APBB1IP: variants seen among roughly 807,000 people sequenced by gnomAD.
The protein encoded by APBB1IP is amyloid beta precursor protein binding family B member 1 interacting protein, also known as amyloid beta A4 precursor protein-binding family B member 1-interacting protein.
APBB1IP carries 27 observed loss-of-function variants against 64.9 expected under a neutral mutation model. That is an observed-to-expected ratio of 0.42 (90% confidence interval 0.31 to 0.57). The LOEUF (loss-of-function observed/expected upper bound fraction) is 0.57, where lower values mean the gene tolerates loss of function less well. Ranked by LOEUF, APBB1IP falls within the 20% of genes least tolerant of loss-of-function variation. APBB1IP has a pLI of 0.20. For synonymous variants in APBB1IP, 392 were observed against 331.0 expected, an observed-to-expected ratio of 1.18 and a Z score of -2.00; for missense variants, 812 against 845.5, an observed-to-expected ratio of 0.96 and a Z score of 0.49.
intron 2 of APBB1IP, among the ~76,000 whole-genome samples, chr10:26,474,251 G>A (rs898118827): frequency 6.6e-6 from 1 of 152,142 alleles, no homozygotes; most frequent in African/African-American, 2.4e-5. Context: ...GCAAAGCCTG[G>A]AATTTGTGCT....
At chr10:26,509,688 G>C (rs1303133905) in intron 6 of APBB1IP, 1 of 152,222 alleles carries the variant, frequency 6.6e-6, no homozygotes, top group Admixed American at 6.5e-5. Flanking sequence ...GTAGGAATAG[G>C]ACAGAACCTG....
intron 2 of APBB1IP, among the ~76,000 whole-genome samples, chr10:26,443,222 G>A (rs547583241): frequency 1.3e-5 from 2 of 152,172 alleles, no homozygotes; most frequent in East Asian, 3.9e-4. Flanking sequence ...AGGAGTTCAA[G>A]ACCAGCCTGA....
chr10:26,472,295 G>A (rs926392247), intron 2 of APBB1IP, among the ~76,000 whole-genome samples: 3 of 152,200 alleles, frequency 2.0e-5, no homozygotes, highest in African/African-American at 4.8e-5. Context: ...ATAGTGCAGT[G>A]CATCCACAGG....
chr10:26,490,412 G>A (rs1327288983), intron 2 of APBB1IP, among the ~76,000 whole-genome samples: 1 of 152,100 alleles, frequency 6.6e-6, no homozygotes, highest in Non-Finnish European at 1.5e-5. Flanking sequence ...ATCACCTGAG[G>A]TCAGGAGTTT....
At chr10:26,534,294 CAAAAAA>C (rs71403804) in intron 9 of APBB1IP, among the ~76,000 whole-genome samples, 2 of 58,690 alleles carry the variant, frequency 3.4e-5, no homozygotes, top group African/African-American at 1.4e-4. Flanking sequence ...GATCCAGTCT[CAAAAAA>C]AAAAAAAAAA....
chr10:26,471,418 C>T (rs1462682735), intron 2 of APBB1IP, among the ~76,000 whole-genome samples: 2 of 152,140 alleles, frequency 1.3e-5, no homozygotes, highest in East Asian at 3.9e-4. Context: ...TCCTTTCTTG[C>T]TTCCAAATAA....
At chr10:26,504,027 CTT>C (rs1234313772) in intron 6 of APBB1IP, among the ~76,000 whole-genome samples, 1 of 152,194 alleles carries the variant, frequency 6.6e-6, no homozygotes, top group Non-Finnish European at 1.5e-5. Context: ...CTCTCCAGGA[CTT>C]TGCAAAATTC....
At position 26,495,992 on chromosome 10, in the gene APBB1IP, T is replaced by TAA. The variant is rs1491145686; in HGVS notation, c.73-311_73-310insAA. Among the ~76,000 whole-genome samples, 9 of 141,974 alleles carry TAA rather than the reference T, an allele frequency of 6.3e-5. No homozygotes were observed. The East Asian group carries it at 1.8e-3, about 28-fold the overall frequency. 93.1% of individuals were successfully genotyped at this position (141,974 alleles called of 152,430 possible). A position where few individuals can be genotyped will look rare whatever the true frequency, so the allele number is the denominator to read the frequency against. The stretch of plus-strand genomic sequence containing the variant: ...ATATATATAAATATAATATATATAT[T>TAA]ATATATATATAGTGTGTGTGTTCAC... On this transcript the variant is annotated intron_variant, in intron 3 of 14. Transcript: ENST00000376236.
At chr10:26,441,939 C>A (rs1458266535) in intron 2 of APBB1IP, among the ~76,000 whole-genome samples, 3 of 152,146 alleles carry the variant, frequency 2.0e-5, no homozygotes, top group Admixed American at 2.0e-4. Context: ...TCTTGTTAAT[C>A]ATCACATCAA....
chr10:26,529,715 A>C (rs776534976), intron 8 of APBB1IP, among the ~76,000 whole-genome samples: 1 of 152,026 alleles, frequency 6.6e-6, no homozygotes, highest in Non-Finnish European at 1.5e-5. Context: ...ATCTCAGCTC[A>C]CTGTAACCTC....
At chr10:26,481,914 T>A (rs1588579494) in intron 2 of APBB1IP, among the ~76,000 whole-genome samples, 1 of 152,182 alleles carries the variant, frequency 6.6e-6, no homozygotes, top group East Asian at 1.9e-4. Flanking sequence ...CTCTTAGTAT[T>A]TTTTTAAATT....
At position 26,496,500 on chromosome 10, in the gene APBB1IP, T is replaced by C. The variant is rs1427691890; in HGVS notation, c.160+109T>C. The C allele has an allele frequency of 6.1e-6, 5 of 813,012 alleles. No individual in the cohort carries two copies. In the Admixed American group the frequency reaches 1.3e-4, roughly 21 times the overall value. 50.4% of individuals were successfully genotyped at this position (813,012 alleles called of 1,614,324 possible). Reference sequence around the variant, plus strand: ...AATTAAAGGAACCTAAACATCATGATAAATATTGTTAAAATCATGGATTTC... The same window carrying C: ...AATTAAAGGAACCTAAACATCATGACAAATATTGTTAAAATCATGGATTTC... On this transcript the variant is annotated intron_variant, in intron 4 of 14. Transcript: ENST00000376236.
chr10:26,532,608 A>C, intron 8 of APBB1IP, among the ~76,000 whole-genome samples: 1 of 151,934 alleles, frequency 6.6e-6, no homozygotes, highest in East Asian at 1.9e-4. Flanking sequence ...CAGCCTCTCA[A>C]GTAGATGAGA....
rs550343120 is a variant in APBB1IP, at chr10:26,566,865, C to T, written c.1474-96C>T. Reference sequence around the variant, plus strand: ...ATCGCGCCACTGCACTCAGCCTGGGCGACAGAGTGAGACCCCGTCTCCATT... The same window carrying T: ...ATCGCGCCACTGCACTCAGCCTGGGTGACAGAGTGAGACCCCGTCTCCATT... On this transcript the variant is annotated intron_variant, in intron 14 of 14. Coordinates refer to ENST00000376236, the MANE Select transcript of APBB1IP (RefSeq NM_019043.4). 11 of 1,355,768 alleles carry T rather than the reference C, an allele frequency of 8.1e-6. No individual in the cohort carries two copies. In the East Asian group the frequency reaches 3.0e-4, roughly 37 times the overall value. The allele number at this position is 1,355,768 out of a possible 1,614,324, so 84.0% of individuals were successfully genotyped here.
intron 8 of APBB1IP, among the ~76,000 whole-genome samples, chr10:26,515,083 G>T (rs557107782): frequency 7.0e-6 from 1 of 143,634 alleles, no homozygotes; most frequent in African/African-American, 2.6e-5. Context: ...GGGTTTCACC[G>T]TGTTGGCCAG....
intron 11 of APBB1IP, among the ~76,000 whole-genome samples, chr10:26,550,408 T>C (rs1367774794): frequency 6.6e-6 from 1 of 152,172 alleles, no homozygotes; most frequent in African/African-American, 2.4e-5. Flanking sequence ...CTTTTGATGA[T>C]GTCCCATGGG....
chr10:26,528,792 C>T (rs1473498229), intron 8 of APBB1IP, among the ~76,000 whole-genome samples: 1 of 152,140 alleles, frequency 6.6e-6, no homozygotes, highest in East Asian at 1.9e-4. Flanking sequence ...TAAAAATTAG[C>T]TGACCATGGT....
chr10:26,506,631 C>G (rs907447437), intron 6 of APBB1IP, among the ~76,000 whole-genome samples: 3 of 152,092 alleles, frequency 2.0e-5, no homozygotes, highest in Non-Finnish European at 4.4e-5. Flanking sequence ...ATTGCTTCGC[C>G]TGGCCTACTT....
At chr10:26,541,472 C>CA in intron 10 of APBB1IP, 110 bp from the exon 11 acceptor site, 1 of 739,030 alleles carries the variant, frequency 1.4e-6, no homozygotes, top group Non-Finnish European at 2.2e-6. Context: ...ACCTAAAAGT[C>CA]AATATTTTCT....
Sources: allele counts gnomAD v4.1 joint callset (sites outside exome capture counted in the v4.1 genomes callset), GRCh38; gene constraint gnomAD v4.1.1; transcripts MANE v1.5; gene names NCBI Gene and HGNC (gene_info 2026-07-23, HGNC 2026-07-21).